The following COL25A1 variants were observed in gnomAD, a reference collection of about 807,000 sequenced individuals.
COL25A1 encodes the protein collagen alpha-1(XXV) chain.
Under a neutral mutation model 128.4 loss-of-function variants are expected in COL25A1, and 103 were observed. That is an observed-to-expected ratio of 0.80 (90% CI 0.68 to 0.94). The LOEUF is 0.94. COL25A1 is among the 40% of genes least tolerant of loss of function. COL25A1 has a pLI of 0.00. For missense variants in COL25A1, 745 were observed against 840.0 expected, an observed-to-expected ratio of 0.89 and a Z score of 1.40; for synonymous variants, 279 against 277.2, an observed-to-expected ratio of 1.01 and a Z score of -0.06.
At chr4:109,139,892 C>G (rs1770219959) in intron 3 of COL25A1, among the ~76,000 whole-genome samples, 2 of 138,856 alleles carry the variant, frequency 1.4e-5, no homozygotes, top group Admixed American at 1.6e-4. Flanking sequence ...TCTCATTGTT[C>G]AATTCCCACC....
intron 24 of COL25A1, among the ~76,000 whole-genome samples, chr4:108,856,776 C>A (rs1294762383): frequency 6.6e-6 from 1 of 152,058 alleles, no homozygotes; most frequent in Non-Finnish European, 1.5e-5. Flanking sequence ...AGAAGTATAT[C>A]GTTTCATATT....
intron 3 of COL25A1, among the ~76,000 whole-genome samples, chr4:109,051,805 A>G (rs1486484893): frequency 6.6e-6 from 1 of 152,190 alleles, no homozygotes; most frequent in Non-Finnish European, 1.5e-5. Flanking sequence ...GGAAGAGATG[A>G]CAGACGAGAA....
chr4:108,911,683 C>G (rs1451329074), intron 13 of COL25A1, among the ~76,000 whole-genome samples: 2 of 152,006 alleles, frequency 1.3e-5, no homozygotes, highest in Non-Finnish European at 2.9e-5. Flanking sequence ...ACAATTTAAT[C>G]AGATGTAATA....
intron 3 of COL25A1, among the ~76,000 whole-genome samples, chr4:109,282,024 AG>A (rs1316590195): frequency 6.6e-6 from 1 of 152,212 alleles, no homozygotes; most frequent in Non-Finnish European, 1.5e-5. Flanking sequence ...GCTGAGCCTA[AG>A]GGTGTATGTC....
intron 3 of COL25A1, among the ~76,000 whole-genome samples, chr4:109,069,474 A>G (rs1000712889): frequency 1.3e-5 from 2 of 152,168 alleles, no homozygotes; most frequent in Admixed American, 1.3e-4. Context: ...GTGCTGGGTG[A>G]GAGCCACCAT....
intron 3 of COL25A1, among the ~76,000 whole-genome samples, chr4:109,124,255 T>C (rs2126058726): frequency 6.6e-6 from 1 of 152,174 alleles, no homozygotes; most frequent in South Asian, 2.1e-4. Flanking sequence ...CCATGTATTT[T>C]TCAGCATTTT....
At chr4:109,038,351 TAACATAGA>T (rs1356935368) in intron 5 of COL25A1, among the ~76,000 whole-genome samples, 1 of 152,172 alleles carries the variant, frequency 6.6e-6, no homozygotes, top group Admixed American at 6.5e-5. Context: ...TCTCAAGATT[TAACATAGA>T]AATCTTGCCT....
chr4:108,993,802 G>A (rs1192843818), intron 6 of COL25A1, among the ~76,000 whole-genome samples: 2 of 149,704 alleles, frequency 1.3e-5, no homozygotes, highest in African/African-American at 4.9e-5. Context: ...AGAGGTTGCA[G>A]TGAGCCAAGA....
At chr4:108,854,019 T>C (rs547726314) in intron 24 of COL25A1, 2 of 152,054 alleles carry the variant, frequency 1.3e-5, no homozygotes, top group East Asian at 1.9e-4. Context: ...CCAAAACAAA[T>C]ATATAGACCA....
Position 108,966,574 on chromosome 4 carries a change from C to T in COL25A1, c.492+7793G>A, listed in dbSNP as rs376826029. 1.1e-4 allele frequency among the ~76,000 whole-genome samples: 16 copies of T among 152,168 alleles called. No individual in the cohort carries two copies. In the East Asian group the frequency reaches 1.2e-3, roughly 11 times the overall value. ...AAAAATCATAATAAAGTTGGCCATG[C>T]GCAGTGGCTCGCACCTGTAATCCCA... On this transcript the variant is annotated intron_variant, in intron 8 of 37. Coordinates refer to ENST00000399132, the MANE Select transcript of COL25A1 (RefSeq NM_198721.4).
At chr4:108,980,786 A>G (rs563638856) in intron 6 of COL25A1, among the ~76,000 whole-genome samples, 1 of 152,328 alleles carries the variant, frequency 6.6e-6, no homozygotes, top group Non-Finnish European at 1.5e-5. Context: ...CTACTCTTTT[A>G]AAGATAAAGA....
At chr4:109,023,567 G>A (rs1757959753) in intron 5 of COL25A1, among the ~76,000 whole-genome samples, 2 of 152,302 alleles carry the variant, frequency 1.3e-5, no homozygotes, top group South Asian at 2.1e-4. Context: ...TGAACTGGAG[G>A]AAGAAAGAAG....
intron 24 of COL25A1, chr4:108,853,923 G>C (rs1560752307): frequency 6.6e-6 from 1 of 152,058 alleles, no homozygotes; most frequent in Non-Finnish European, 1.5e-5. Flanking sequence ...TCATTGATGG[G>C]CATTTGGGTT....
intron 24 of COL25A1, 151 bp downstream of exon 24, chr4:108,859,505 G>A (rs1360648861): frequency 5.5e-6 from 3 of 543,472 alleles, no homozygotes; most frequent in Non-Finnish European, 3.3e-6. Context: ...CACAGAGAAG[G>A]GGATGAGTTC....
chr4:108,868,981 G>T (rs1738344837), intron 20 of COL25A1, 107 bp downstream of exon 20: 1 of 612,322 alleles, frequency 1.6e-6, no homozygotes, highest in Non-Finnish European at 2.8e-6. Flanking sequence ...AGGAAAGGAA[G>T]AAAGACAATA....
intron 5 of COL25A1, among the ~76,000 whole-genome samples, chr4:109,043,292 A>G (rs1017219397): frequency 3.3e-5 from 5 of 152,144 alleles, no homozygotes; most frequent in Non-Finnish European, 7.4e-5. Flanking sequence ...TAAAGGTATC[A>G]GAGGTTTTCA....
chr4:109,108,725 T>A (rs1035904339), intron 3 of COL25A1, among the ~76,000 whole-genome samples: 2 of 152,170 alleles, frequency 1.3e-5, no homozygotes, highest in Non-Finnish European at 2.9e-5. Flanking sequence ...AGGTGATTTT[T>A]AAAAAAAATA....
At chr4:109,015,261 T>C (rs1757112177) in intron 5 of COL25A1, among the ~76,000 whole-genome samples, 1 of 152,222 alleles carries the variant, frequency 6.6e-6, no homozygotes, top group African/African-American at 2.4e-5. Flanking sequence ...CATTCGTTAC[T>C]GAGTAGTATT....
intron 3 of COL25A1, among the ~76,000 whole-genome samples, chr4:109,210,554 G>A (rs979534998): frequency 3.3e-5 from 5 of 152,052 alleles, no homozygotes; most frequent in Non-Finnish European, 5.9e-5. Context: ...GCTTCCCACC[G>A]TTTTTAACAT....
Sources: gnomAD v4.1 joint callset for allele counts (sites outside exome capture counted in the v4.1 genomes callset) on GRCh38, gnomAD v4.1.1 for gene constraint, MANE v1.5 for transcripts, NCBI Gene and HGNC (gene_info 2026-07-23, HGNC 2026-07-21) for gene names.